Variants in PDE11A observed in about 807,000 individuals in gnomAD.
The protein encoded by PDE11A is phosphodiesterase 11A.
Under a neutral mutation model 100.5 loss-of-function variants are expected in PDE11A, and 100 were observed. The observed-to-expected ratio is 1.00, with a 90% CI of 0.85 to 1.18. The LOEUF (loss-of-function observed/expected upper bound fraction) is 1.18, where lower values mean the gene tolerates loss of function less well. Ranked by LOEUF, PDE11A falls within the 50% of genes most tolerant of loss-of-function variation. The pLI is 0.00. For synonymous variants in PDE11A, 381 were observed against 420.8 expected (o/e 0.91, Z 1.16); for missense variants, 1,141 against 1,152.6 (o/e 0.99, Z 0.15).
At chr2:177,793,537 C>CAAAA (rs34902120) in intron 9 of PDE11A, among the ~76,000 whole-genome samples, 1 of 79,316 alleles carries the variant, frequency 1.3e-5, no homozygotes, top group African/African-American at 4.2e-5. Context: ...CAGGGATCTG[C>CAAAA]AAAAAAAAAA....
chr2:177,720,844 T>C (rs368651312), intron 12 of PDE11A, among the ~76,000 whole-genome samples: 9 of 152,278 alleles, frequency 5.9e-5, no homozygotes, highest in Admixed American at 1.3e-4. Flanking sequence ...AGTCTATATA[T>C]AAATGACTTT....
At chr2:178,045,932 T>C (rs1161037413) in intron 1 of PDE11A, among the ~76,000 whole-genome samples, 1 of 152,212 alleles carries the variant, frequency 6.6e-6, no homozygotes, top group African/African-American at 2.4e-5. Context: ...AGAACCTGAA[T>C]GTAATCCTTA....
chr2:177,841,248 G>C (rs2083485938), intron 5 of PDE11A, among the ~76,000 whole-genome samples: 1 of 152,114 alleles, frequency 6.6e-6, no homozygotes, highest in Admixed American at 6.5e-5. Flanking sequence ...AGGAGCCGTG[G>C]AGATACAAAA....
At chr2:177,662,269 G>A (rs1318338067) in intron 19 of PDE11A, among the ~76,000 whole-genome samples, 2 of 152,182 alleles carry the variant, frequency 1.3e-5, no homozygotes, top group Non-Finnish European at 2.9e-5. Flanking sequence ...CATAGGAAGA[G>A]TGTGTAGACT....
chr2:177,771,118 C>T (rs1247532669), intron 9 of PDE11A, among the ~76,000 whole-genome samples: 8 of 152,024 alleles, frequency 5.3e-5, no homozygotes, highest in African/African-American at 1.4e-4. Flanking sequence ...CATGAGCCTT[C>T]GCACCCAGCC....
rs147141001 is a variant in PDE11A, at chr2:177,714,802, A to G, written c.2044-2924T>C. On this transcript the variant is annotated intron_variant, in intron 12 of 19. Transcript: ENST00000286063. Reference sequence around the variant, plus strand: ...TTCTCACACCCTACACAATTCTGCAAAATGCTTCTCAAAGCAATTTTGAAG... The same window carrying G: ...TTCTCACACCCTACACAATTCTGCAGAATGCTTCTCAAAGCAATTTTGAAG... Among the ~76,000 whole-genome samples, 465 of 152,346 alleles carry G rather than the reference A, an allele frequency of 3.1e-3. 2 individuals carry two copies. The highest frequency in any genetic ancestry group is 0.01 in the African/African-American group (434 of 41,582).
At chr2:177,982,357 T>C (rs987593300) in intron 2 of PDE11A, among the ~76,000 whole-genome samples, 1 of 150,800 alleles carries the variant, frequency 6.6e-6, no homozygotes, top group Admixed American at 6.6e-5. Context: ...CAAAATGATA[T>C]ATATTTTTGC....
chr2:177,775,212 A>G (rs1400485531), intron 9 of PDE11A, among the ~76,000 whole-genome samples: 3 of 152,184 alleles, frequency 2.0e-5, no homozygotes, highest in Non-Finnish European at 4.4e-5. Flanking sequence ...TTGTAAGATA[A>G]TAAGTATGTG....
At position 177,675,547 on chromosome 2, in the gene PDE11A, T is replaced by C. The variant is rs557887474; in HGVS notation, c.2424-29A>G. ...AAAAACAGAACCAAACAAAACAGCC[T>C]GAATAATCTTTTGTTGCATTCCTAA... On this transcript the variant is annotated intron_variant, in intron 16 of 19. Coordinates refer to ENST00000286063, the MANE Select transcript of PDE11A (RefSeq NM_016953.4). 2.3e-5 allele frequency: 36 copies of C among 1,587,166 alleles called. No individual in the cohort carries two copies. In the South Asian group the frequency reaches 3.9e-4, roughly 17 times the overall value.
At chr2:177,902,088 G>A (rs970826313) in intron 3 of PDE11A, among the ~76,000 whole-genome samples, 2 of 152,206 alleles carry the variant, frequency 1.3e-5, no homozygotes, top group African/African-American at 2.4e-5. Context: ...CCCAAGCTAA[G>A]CCATGATATC....
rs139952630 is a variant in PDE11A, at chr2:177,838,666, G to A, written c.1500+1585C>T. 2.2e-3 allele frequency among the ~76,000 whole-genome samples: 337 copies of A among 152,294 alleles called. 1 individual carries two copies. The highest frequency in any genetic ancestry group is 3.6e-3 in the Non-Finnish European group (245 of 68,026). ...CGTCTGTGGTTCTGGTTGCATGACCGTTTGGAGTTCGATGGCCTACAGGGG... is the reference window on the plus strand; with the variant it reads ...CGTCTGTGGTTCTGGTTGCATGACCATTTGGAGTTCGATGGCCTACAGGGG... On this transcript the variant is annotated intron_variant, in intron 6 of 19. Transcript: ENST00000286063.
At chr2:177,885,854 T>G (rs987745339) in intron 4 of PDE11A, among the ~76,000 whole-genome samples, 63 of 152,294 alleles carry the variant, frequency 4.1e-4, no homozygotes, top group African/African-American at 1.5e-3. Context: ...AGAAAACAAG[T>G]GTGCCTAGCT....
intron 1 of PDE11A, among the ~76,000 whole-genome samples, chr2:178,016,067 C>A (rs1253111170): frequency 6.6e-6 from 1 of 150,930 alleles, no homozygotes; most frequent in Non-Finnish European, 1.5e-5. Context: ...CGGGTTCAAG[C>A]GATTCTCCTG....
intron 10 of PDE11A, among the ~76,000 whole-genome samples, chr2:177,745,453 C>A (rs915521637): frequency 6.6e-6 from 1 of 152,214 alleles, no homozygotes; most frequent in Non-Finnish European, 1.5e-5. Context: ...CCAGGCCCCA[C>A]GTTGAGAGTC....
intron 6 of PDE11A, among the ~76,000 whole-genome samples, chr2:177,828,435 C>T (rs1416807702): frequency 2.0e-5 from 3 of 151,922 alleles, no homozygotes; most frequent in Non-Finnish European, 2.9e-5. Flanking sequence ...AAATCCTCAC[C>T]TTCATAGAGC....
intron 2 of PDE11A, among the ~76,000 whole-genome samples, chr2:178,091,063 C>A (rs553120880): frequency 6.6e-6 from 1 of 152,150 alleles, no homozygotes; most frequent in Non-Finnish European, 1.5e-5. Flanking sequence ...ATGCTAATAT[C>A]TTTTTTATTT....
intron 2 of PDE11A, among the ~76,000 whole-genome samples, chr2:177,942,625 C>A (rs1220016118): frequency 6.6e-6 from 1 of 152,116 alleles, no homozygotes; most frequent in Non-Finnish European, 1.5e-5. Flanking sequence ...TTGTGTCGAA[C>A]TTCCAACCTC....
At chr2:177,737,122 C>T (rs1025766094) in intron 10 of PDE11A, among the ~76,000 whole-genome samples, 1 of 151,936 alleles carries the variant, frequency 6.6e-6, no homozygotes, top group Non-Finnish European at 1.5e-5. Flanking sequence ...TGCCTGTAAT[C>T]CCAGGTACTC....
chr2:177,917,156 GAA>G, intron 2 of PDE11A, among the ~76,000 whole-genome samples: 1 of 151,800 alleles, frequency 6.6e-6, no homozygotes. Flanking sequence ...TCCTTCCAAA[GAA>G]AGAGGGCTTC....
Sources: allele counts gnomAD v4.1 joint callset (sites outside exome capture counted in the v4.1 genomes callset), GRCh38; gene constraint gnomAD v4.1.1; transcripts MANE v1.5; gene names NCBI Gene and HGNC (gene_info 2026-07-23, HGNC 2026-07-21).